VSX2: variants seen among roughly 807,000 people sequenced by gnomAD.
VSX2 encodes the protein visual system homeobox 2, also known as ceh-10 homeo domain containing homolog.
In VSX2, 28 loss-of-function variants were observed where a neutral mutation model predicts 32.1. The ratio of observed to expected loss-of-function variants is 0.87; its 90% CI spans 0.65 to 1.20. The LOEUF is 1.20. VSX2 is among the 50% of genes most tolerant of loss of function. VSX2 has a pLI of 0.00. For synonymous variants in VSX2, 243 were observed against 214.1 expected, an observed-to-expected ratio of 1.14 and a Z score of -1.18; for missense variants, 506 against 488.7, an observed-to-expected ratio of 1.04 and a Z score of -0.33.
At chr14:74,246,317 G>C (rs531749027) in intron 3 of VSX2, among the ~76,000 whole-genome samples, 2 of 152,196 alleles carry the variant, frequency 1.3e-5, no homozygotes. Flanking sequence ...TGTATCTCCA[G>C]GTGTGATGTG....
At chr14:74,246,593 G>A (rs2079193414) in intron 3 of VSX2, among the ~76,000 whole-genome samples, 1 of 152,240 alleles carries the variant, frequency 6.6e-6, no homozygotes. Context: ...GGGCGTTGAT[G>A]TTGAATTGTG....
chr14:74,250,771 C>T (rs1293060525), intron 3 of VSX2, among the ~76,000 whole-genome samples: 3 of 151,702 alleles, frequency 2.0e-5, no homozygotes, highest in Admixed American at 2.0e-4. Context: ...GCCTCAGCCT[C>T]CAGAGTAGCT....
intron 3 of VSX2, among the ~76,000 whole-genome samples, chr14:74,250,390 A>G (rs964306702): frequency 1.3e-5 from 2 of 152,158 alleles, no homozygotes; most frequent in Non-Finnish European, 2.9e-5. Flanking sequence ...GGCAGGCTAC[A>G]TATATATTCA....
At chr14:74,249,852 C>T (rs982621530) in intron 3 of VSX2, among the ~76,000 whole-genome samples, 2 of 152,174 alleles carry the variant, frequency 1.3e-5, no homozygotes, top group African/African-American at 4.8e-5. Flanking sequence ...CACTCCACAT[C>T]GCTCTGGGCT....
chr14:74,261,173 C>A lies in VSX2; in HGVS notation c.*254C>A, dbSNP rs1445387240. 1.8e-6 allele frequency: 1 copy of A among 548,498 alleles called. No homozygotes were observed. The highest frequency in any genetic ancestry group is 3.3e-6 in the Non-Finnish European group (1 of 306,806). The allele number at this position is 548,498 out of a possible 1,614,324, so 34.0% of individuals were successfully genotyped here. A position where few individuals can be genotyped will look rare whatever the true frequency, so the allele number is the denominator to read the frequency against. ...AAGCCTTCTTGCTGCCCACAACGTC[C>A]CCTCAAGCCCCTTCTCTCAATCCCT... On this transcript the variant is annotated 3_prime_UTR_variant, in exon 5 of 5. Coordinates refer to ENST00000261980, the MANE Select transcript of VSX2 (RefSeq NM_182894.3).
chr14:74,245,985 T>C (rs2079189695), intron 3 of VSX2, among the ~76,000 whole-genome samples: 1 of 152,248 alleles, frequency 6.6e-6, no homozygotes, highest in Admixed American at 6.5e-5. Context: ...GTGGTAGGCA[T>C]GGGGCCTCCA....
In VSX2 at chr14:74,239,633, C is replaced by T. The variant is rs1034066804; in HGVS notation, c.72C>T (p.Gly24=). The T allele has an allele frequency of 3.2e-6, 5 of 1,550,960 alleles. No individual in the cohort carries two copies. The highest frequency in any genetic ancestry group is 3.9e-5 in the Admixed American group (2 of 50,988). Residue 24 remains glycine, a synonymous_variant, in exon 1 of 5, where the codon GGC becomes GGT. Transcript: ENST00000261980. ...SETVAKSTSG[G]APARCTGFGI... ...CAGTGGCCAAGAGTACCTCGGGGGG[C>T]GCCCCGGCCAGGTGCACTGGGTTCG... is the stretch of plus-strand genomic sequence containing the variant.
chr14:74,254,783 G>GTTTTTTTTTTTTTTTTTTTTTTT lies in VSX2; in HGVS notation c.580-4819_580-4818insTTTTTTTTTTTTTTTTTTTTTTT, dbSNP rs1566887118. Reference sequence around the variant, plus strand: ...AATCCTCCAAAAACCCCGAAAAGTGGATTTTTTTTTTTTTGAGACGCAGTC... The same window carrying GTTTTTTTTTTTTTTTTTTTTTTT: ...AATCCTCCAAAAACCCCGAAAAGTGGTTTTTTTTTTTTTTTTTTTTTTTATTTTTTTTTTTTTGAGACGCAGTC... On this transcript the variant is annotated intron_variant, in intron 3 of 4. Transcript: ENST00000261980. Among the ~76,000 whole-genome samples, 39 of 72,352 alleles carry GTTTTTTTTTTTTTTTTTTTTTTT rather than the reference G, an allele frequency of 5.4e-4. 1 individual carries two copies. The East Asian group carries it at 7.1e-3, about 13-fold the overall frequency. The allele number at this position is 72,352 out of a possible 152,430, so 47.5% of individuals were successfully genotyped here.
intron 3 of VSX2, 62 bp downstream of exon 3, chr14:74,245,350 A>G (rs1391597162): frequency 1.9e-6 from 3 of 1,605,770 alleles, no homozygotes; most frequent in Non-Finnish European, 2.5e-6. Context: ...CTACCACTCC[A>G]GGGTTCCAGA....
Position 74,260,897 on chromosome 14 carries a change from C to T in VSX2, c.1064C>T (p.Pro355Leu), listed in dbSNP as rs770857657. 1.6e-5 allele frequency: 25 copies of T among 1,561,878 alleles called. No homozygotes were observed. Among genetic ancestry groups the T allele is most frequent in the Middle Eastern group, 1.8e-4 (1 of 5,412 alleles). ...EDRPAERLSP[P>L]QLEDMA Reference sequence around the variant, plus strand: ...AGGCCGGCGGAGAGGCTCAGTCCACCGCAGCTGGAGGACATGGCTTAGGTC... The same window carrying T: ...AGGCCGGCGGAGAGGCTCAGTCCACTGCAGCTGGAGGACATGGCTTAGGTC... The change falls in exon 5 of 5, where the codon CCG becomes CTG. Residue 355 changes from proline to leucine, a missense_variant. Pro to Leu is a moderately conservative substitution (Grantham distance 98). Transcript: ENST00000261980.
Position 74,259,790 on chromosome 14 carries a change from C to T in VSX2, c.760+8C>T, listed in dbSNP as rs752668304. 1.9e-6 allele frequency: 3 copies of T among 1,546,140 alleles called. No homozygotes were observed. The highest frequency in any genetic ancestry group is 2.6e-6 in the Non-Finnish European group (3 of 1,154,428). ...GTGCCCCGTGGCTACTGGGTAAGAG[C>T]CCGCACCCTCCTTGGGGTCCTGCCC... On this transcript the variant is annotated splice_region_variant and intron_variant, in intron 4 of 4. Transcript: ENST00000261980.
intron 1 of VSX2, among the ~76,000 whole-genome samples, 179 bp downstream of exon 1, chr14:74,240,110 C>T (rs141283491): frequency 0.017 from 2,551 of 152,304 alleles, 79 homozygotes; most frequent in Admixed American, 0.084. Flanking sequence ...GATGCTTCGG[C>T]GTCCGCAGGG....
intron 2 of VSX2, among the ~76,000 whole-genome samples, chr14:74,244,932 A>ATGTG (rs1594754417): frequency 2.8e-5 from 1 of 35,562 alleles, no homozygotes; most frequent in Non-Finnish European, 6.2e-5. Flanking sequence ...GTGTGTGTGA[A>ATGTG]AGAGAGAGAG....
In VSX2 at chr14:74,239,732, C is replaced by G. The variant is rs201395979; in HGVS notation, c.171C>G (p.Ala57=). ...CGCGGGCAGCGCTCGACGGCCTGGC[C>G]CCCGGGCACTTGCTGGCGGCGCGCT... ...SHPRAALDGL[A]PGHLLAARSV... The change falls in exon 1 of 5, where the codon GCC becomes GCG. Residue 57 remains alanine (A), a synonymous_variant. Coordinates refer to ENST00000261980, the MANE Select transcript of VSX2 (RefSeq NM_182894.3). 403 of 1,549,068 alleles carry G rather than the reference C, an allele frequency of 2.6e-4. 3 individuals are homozygous for G. The East Asian group carries it at 7.8e-3, about 30-fold the overall frequency.
At chr14:74,257,650 G>T (rs972385947) in intron 3 of VSX2, among the ~76,000 whole-genome samples, 6 of 151,886 alleles carry the variant, frequency 4.0e-5, no homozygotes, top group African/African-American at 1.5e-4. Context: ...ACTCCGCGCC[G>T]CCGGGCGCTC....
In VSX2 at chr14:74,260,776, G is replaced by A. The variant is rs1231182462; in HGVS notation, c.943G>A (p.Glu315Lys). 1.9e-6 allele frequency: 3 copies of A among 1,582,108 alleles called. No individual in the cohort carries two copies. Among genetic ancestry groups the A allele is most frequent in the African/African-American group, 1.3e-5 (1 of 74,416 alleles). The stretch of plus-strand genomic sequence containing the variant: ...TGCGGTGCTCCGGGCCAAAGCTCAG[G>A]AGCACAGCACCAAAGTGCTGGGGAC... ...SIAVLRAKAQ[E>K]HSTKVLGTVS... Residue 315 changes from glutamate (E) to lysine (K), a missense_variant, in exon 5 of 5, where the codon GAG becomes AAG. Coordinates refer to ENST00000261980, the MANE Select transcript of VSX2 (RefSeq NM_182894.3).
rs760654565 is a variant in VSX2, at chr14:74,260,774, A to G, written c.941A>G (p.Gln314Arg). Residue 314 changes from glutamine to arginine, a missense_variant, in exon 5 of 5, where the codon CAG becomes CGG. By Grantham distance (43) the Gln-to-Arg change is conservative. Coordinates refer to ENST00000261980, the MANE Select transcript of VSX2 (RefSeq NM_182894.3). ...ATTGCGGTGCTCCGGGCCAAAGCTC[A>G]GGAGCACAGCACCAAAGTGCTGGGG... ...NSIAVLRAKA[Q>R]EHSTKVLGTV... is the part of the protein sequence containing the mutation. 1 of 1,582,996 alleles carries G rather than the reference A, an allele frequency of 6.3e-7. No homozygotes were observed. The highest frequency in any genetic ancestry group is 1.3e-5 in the African/African-American group (1 of 74,564).
At chr14:74,243,232 G>C (rs1278795509) in intron 2 of VSX2, among the ~76,000 whole-genome samples, 2 of 152,260 alleles carry the variant, frequency 1.3e-5, no homozygotes, top group East Asian at 3.9e-4. Context: ...CGTTTGGGGG[G>C]TGGCGTGGGG....
At chr14:74,241,327 C>A in intron 2 of VSX2, 61 bp downstream of exon 2, 1 of 1,560,788 alleles carries the variant, frequency 6.4e-7, no homozygotes, top group East Asian at 2.2e-5. Context: ...TCCCCCGTTC[C>A]GGGATCGGGT....
Sources: allele counts gnomAD v4.1 joint callset (sites outside exome capture counted in the v4.1 genomes callset), GRCh38; gene constraint gnomAD v4.1.1; transcripts MANE v1.5; gene names NCBI Gene and HGNC (gene_info 2026-07-23, HGNC 2026-07-21).